Variants in TSNARE1 observed in about 807,000 individuals in gnomAD.
The protein encoded by TSNARE1 is t-SNARE domain containing 1.
A neutral mutation model predicts 62.0 loss-of-function variants in TSNARE1; 49 were observed. The observed-to-expected ratio is 0.79, with a 90% confidence interval of 0.63 to 1.00. TSNARE1 has a LOEUF of 1.00. TSNARE1 is among the 50% of genes least tolerant of loss of function. The pLI, the probability that TSNARE1 is intolerant of heterozygous loss-of-function variation, is 0.00. For synonymous variants in TSNARE1, 328 were observed against 294.4 expected (o/e 1.11, Z -1.17); for missense variants, 755 against 700.1 (o/e 1.08, Z -0.88).
intron 12 of TSNARE1, chr8:142,273,835 AG>A (rs1819987162): frequency 1.0e-6 from 1 of 985,196 alleles, no homozygotes. Context: ...GAGGCAACTG[AG>A]GACCCTCTGC....
At chr8:142,293,702 G>A (rs1236209519) in intron 10 of TSNARE1, among the ~76,000 whole-genome samples, 1 of 152,232 alleles carries the variant, frequency 6.6e-6, no homozygotes, top group Non-Finnish European at 1.5e-5. Flanking sequence ...CTGGCTGCCA[G>A]ACAGCTCTGG....
intron 12 of TSNARE1, among the ~76,000 whole-genome samples, chr8:142,235,404 C>T (rs941984379): frequency 6.7e-6 from 1 of 150,276 alleles, no homozygotes. Flanking sequence ...CACCCCCACC[C>T]CTACCCCCGG....
At chr8:142,221,341 A>G (rs1420965132) in intron 13 of TSNARE1, among the ~76,000 whole-genome samples, 1 of 152,220 alleles carries the variant, frequency 6.6e-6, no homozygotes, top group Non-Finnish European at 1.5e-5. Context: ...CAGGCACATA[A>G]CACAAAGGCC....
At chr8:142,218,761 T>G (rs930580976) in intron 13 of TSNARE1, among the ~76,000 whole-genome samples, 2 of 152,192 alleles carry the variant, frequency 1.3e-5, no homozygotes, top group Non-Finnish European at 2.9e-5. Flanking sequence ...CCCTGGAGCC[T>G]TGAGGCCCTT....
In TSNARE1 at chr8:142,222,732, CCACTCACT is replaced by C. The variant is rs1257637060; in HGVS notation, c.*11+6733_*11+6740del. On this transcript the variant is annotated intron_variant, in intron 13 of 13. Coordinates refer to ENST00000524325, the MANE Select transcript of TSNARE1 (RefSeq NM_145003.5). ...CTCACTCATCCACTCACTCACTCATCCACTCACTCACTCACTCATCCACTCACTCACTC... is the reference window on the plus strand; with the variant it reads ...CTCACTCATCCACTCACTCACTCATCCACTCACTCATCCACTCACTCACTC... 9.6e-5 allele frequency among the ~76,000 whole-genome samples: 6 copies of C among 62,258 alleles called. 1 individual carries two copies. Among genetic ancestry groups the C allele is most frequent in the African/African-American group, 5.0e-4 (5 of 9,916 alleles). 40.8% of individuals were successfully genotyped at this position (62,258 alleles called of 152,430 possible). A position where few individuals can be genotyped will look rare whatever the true frequency, so the allele number is the denominator to read the frequency against.
chr8:142,345,965 C>CGGACA, intron 2 of TSNARE1, 73 bp from the exon 3 acceptor site: 1 of 1,535,230 alleles, frequency 6.5e-7, no homozygotes, highest in Non-Finnish European at 8.8e-7. Flanking sequence ...CCCCCATGCA[C>CGGACA]GGACAGCAGA....
intron 1 of TSNARE1, among the ~76,000 whole-genome samples, chr8:142,376,385 C>T (rs1015855619): frequency 6.6e-6 from 1 of 152,196 alleles, no homozygotes; most frequent in Admixed American, 6.5e-5. Flanking sequence ...AAGGCGATGG[C>T]GTTAGCAGGT....
chr8:142,353,184 A>G (rs907229174), intron 2 of TSNARE1, among the ~76,000 whole-genome samples: 3 of 152,158 alleles, frequency 2.0e-5, no homozygotes, highest in African/African-American at 7.2e-5. Context: ...CAGTTCATGC[A>G]GTCCACCCCT....
chr8:142,222,213 C>A, intron 13 of TSNARE1, among the ~76,000 whole-genome samples: 1 of 22,760 alleles, frequency 4.4e-5, no homozygotes, highest in Non-Finnish European at 1.0e-4. Flanking sequence ...CACTCATCCG[C>A]TCATTCACTC....
intron 6 of TSNARE1, among the ~76,000 whole-genome samples, chr8:142,320,416 C>A (rs1303632837): frequency 6.6e-6 from 1 of 151,838 alleles, no homozygotes; most frequent in East Asian, 1.9e-4. Context: ...CCACACCACC[C>A]TCCTGTACCT....
rs143993904 is a variant in TSNARE1, at chr8:142,216,306, C to T, written c.*12-3993G>A. On this transcript the variant is annotated intron_variant, in intron 13 of 13. Transcript: ENST00000524325. Reference sequence around the variant, plus strand: ...CTTTGGATTGGAACAGATGGGCGGACGCTGGTGCAGTGCAGAGAGGCAGGG... The same window carrying T: ...CTTTGGATTGGAACAGATGGGCGGATGCTGGTGCAGTGCAGAGAGGCAGGG... Among the ~76,000 whole-genome samples the T allele has an allele frequency of 6.1e-4, 93 of 152,148 alleles. 1 individual carries two copies. The East Asian group carries it at 0.012, about 19-fold the overall frequency.
intron 1 of TSNARE1, among the ~76,000 whole-genome samples, chr8:142,386,624 C>T (rs563895810): frequency 1.3e-5 from 2 of 152,100 alleles, no homozygotes; most frequent in East Asian, 1.9e-4. Flanking sequence ...TAAAATAATT[C>T]GGTAGAGTTA....
At chr8:142,311,999 T>C (rs1180051189) in intron 9 of TSNARE1, among the ~76,000 whole-genome samples, 1 of 152,228 alleles carries the variant, frequency 6.6e-6, no homozygotes, top group Non-Finnish European at 1.5e-5. Flanking sequence ...AGATTGAATA[T>C]CCCTCATCCA....
At chr8:142,357,797 C>A (rs1047092472) in intron 1 of TSNARE1, among the ~76,000 whole-genome samples, 1 of 152,132 alleles carries the variant, frequency 6.6e-6, no homozygotes, top group Non-Finnish European at 1.5e-5. Context: ...GAAGAGAACT[C>A]CCAGGGAGAG....
chr8:142,320,655 C>T (rs1028390193), intron 6 of TSNARE1, among the ~76,000 whole-genome samples: 2 of 152,244 alleles, frequency 1.3e-5, no homozygotes, highest in African/African-American at 2.4e-5. Flanking sequence ...TGCCTTAACA[C>T]TTTCCTAGGC....
chr8:142,323,535 G>A (rs1012301268), intron 6 of TSNARE1, among the ~76,000 whole-genome samples: 4 of 152,242 alleles, frequency 2.6e-5, no homozygotes, highest in African/African-American at 4.8e-5. Flanking sequence ...GGGCAACGGG[G>A]CAGCAAGGCC....
chr8:142,376,910 G>A (rs1393947131), intron 1 of TSNARE1, among the ~76,000 whole-genome samples: 2 of 152,242 alleles, frequency 1.3e-5, no homozygotes, highest in African/African-American at 4.8e-5. Context: ...GGGCAGAGCA[G>A]GGAGAGCCAC....
chr8:142,274,933 CA>C, intron 11 of TSNARE1, 70 bp from the exon 12 acceptor site: 1 of 1,421,202 alleles, frequency 7.0e-7, no homozygotes, highest in Non-Finnish European at 9.3e-7. Flanking sequence ...GGACACCCCC[CA>C]AAGGCAAGCC....
At chr8:142,280,577 T>C (rs1821258883) in intron 11 of TSNARE1, among the ~76,000 whole-genome samples, 1 of 152,086 alleles carries the variant, frequency 6.6e-6, no homozygotes. Flanking sequence ...GGGTCAGCCC[T>C]GGTTTGTCCC....
Sources: allele counts gnomAD v4.1 joint callset (sites outside exome capture counted in the v4.1 genomes callset), GRCh38; gene constraint gnomAD v4.1.1; transcripts MANE v1.5; gene names NCBI Gene and HGNC (gene_info 2026-07-23, HGNC 2026-07-21).